CRBN: variants seen among roughly 807,000 people sequenced by gnomAD.
The protein encoded by CRBN is protein cereblon.
A neutral mutation model predicts 62.2 loss-of-function variants in CRBN; 53 were observed. The ratio of observed to expected loss-of-function variants is 0.85; its 90% CI spans 0.68 to 1.07. CRBN has a LOEUF of 1.07. Ranked by LOEUF, CRBN falls within the 50% of genes least tolerant of loss-of-function variation. The pLI is 0.00. For missense variants in CRBN, 616 were observed against 531.1 expected (o/e 1.16, Z -1.57); for synonymous variants, 208 against 176.1 (o/e 1.18, Z -1.43).
intron 8 of CRBN, 76 bp from the exon 9 acceptor site, chr3:3,153,564 A>G: frequency 7.1e-6 from 6 of 841,748 alleles, no homozygotes; most frequent in Non-Finnish European, 1.3e-5. Context: ...TAGATCATCA[A>G]GAAACTTACT....
At chr3:3,179,698 C>T (rs772893714), upstream of CRBN, 1 of 1,612,696 alleles carries the variant, frequency 6.2e-7, no homozygotes, top group Non-Finnish European at 8.5e-7. Context: ...GTCTGTTTAC[C>T]CGCAAAGGAG....
chr3:3,166,730 A>G (rs711618), intron 5 of CRBN, among the ~76,000 whole-genome samples: 146,138 of 152,158 alleles, frequency 0.96, 70,457 homozygotes, highest in East Asian at 1. Flanking sequence ...ACAAGTTTTC[A>G]CTGAAAACTG....
intron 4 of CRBN, among the ~76,000 whole-genome samples, chr3:3,168,559 T>C (rs1230098416): frequency 6.6e-6 from 1 of 152,162 alleles, no homozygotes; most frequent in Non-Finnish European, 1.5e-5. Context: ...ATGTAGAATA[T>C]GTAACTATAT....
chr3:3,167,454 G>T, intron 5 of CRBN, 180 bp downstream of exon 5: 1 of 594,324 alleles, frequency 1.7e-6, no homozygotes, highest in South Asian at 2.0e-5. Context: ...TATTGCTTTT[G>T]TAAACTGCTT....
Position 3,150,071 on chromosome 3 carries a change from A to ATAAT in CRBN, c.*790_*793dup, listed in dbSNP as rs1706397158. 6.6e-6 allele frequency: 1 copy of ATAAT among 152,326 alleles called. No homozygotes were observed. The highest frequency in any genetic ancestry group is 1.5e-5 in the Non-Finnish European group (1 of 68,022). 9.4% of individuals were successfully genotyped at this position (152,326 alleles called of 1,614,324 possible). A position where few individuals can be genotyped will look rare whatever the true frequency, so the allele number is the denominator to read the frequency against. The stretch of plus-strand genomic sequence containing the variant: ...TTTTCTTCAATTTACATTGAACAAA[A>ATAAT]TAATACAGTATCAAGTTTAGTCTGG... On this transcript the variant is annotated 3_prime_UTR_variant, in exon 11 of 11. Transcript: ENST00000231948.
At chr3:3,174,602 C>T (rs1185352948) in intron 2 of CRBN, among the ~76,000 whole-genome samples, 1 of 152,078 alleles carries the variant, frequency 6.6e-6, no homozygotes, top group Non-Finnish European at 1.5e-5. Flanking sequence ...GATTGTGCCA[C>T]TGCACTCACT....
chr3:3,160,246 G>A (rs1350188870), intron 5 of CRBN, among the ~76,000 whole-genome samples: 1 of 152,194 alleles, frequency 6.6e-6, no homozygotes, highest in Non-Finnish European at 1.5e-5. Flanking sequence ...AATGGAAAGA[G>A]TAATGTGAAA....
chr3:3,150,260 A>G lies in CRBN; in HGVS notation c.*605T>C, dbSNP rs946742138. ...TACTAACAGGCACATAAAGGAAATG[A>G]CAACTATTCGTGGGCTCAAAAAACT... On this transcript the variant is annotated 3_prime_UTR_variant, in exon 11 of 11. Transcript: ENST00000231948. 1.3e-5 allele frequency: 2 copies of G among 152,628 alleles called. No individual in the cohort carries two copies. The highest frequency in any genetic ancestry group is 4.8e-5 in the African/African-American group (2 of 41,378). 9.5% of individuals were successfully genotyped at this position (152,628 alleles called of 1,614,324 possible). A position where few individuals can be genotyped will look rare whatever the true frequency, so the allele number is the denominator to read the frequency against.
Position 3,151,049 on chromosome 3 carries a change from A to G in CRBN, c.1149-4T>C. 6.2e-7 allele frequency: 1 copy of G among 1,613,808 alleles called. No homozygotes were observed. ...CTGGGCAACAGTCCAGGCATACCTA[A>G]GAAATTAAGGAAAGATATCAGCTAA... is the stretch of plus-strand genomic sequence containing the variant. On this transcript the variant is annotated splice_polypyrimidine_tract_variant and splice_region_variant and intron_variant, in intron 10 of 10. Coordinates refer to ENST00000231948, the MANE Select transcript of CRBN (RefSeq NM_016302.4).
At chr3:3,172,503 C>A (rs1216907015) in intron 4 of CRBN, 6 of 456,768 alleles carry the variant, frequency 1.3e-5, no homozygotes, top group Non-Finnish European at 2.4e-5. Flanking sequence ...ACATTAGAAT[C>A]ACCTGAAAAT....
intron 7 of CRBN, chr3:3,154,318 C>A (rs1485590158): frequency 1.9e-6 from 1 of 516,918 alleles, no homozygotes; most frequent in African/African-American, 1.9e-5. Flanking sequence ...AACTCAAATC[C>A]ATGTTAGAAG....
intron 2 of CRBN, 123 bp downstream of exon 2, chr3:3,175,040 C>CA: frequency 1.4e-6 from 1 of 695,800 alleles, no homozygotes; most frequent in Non-Finnish European, 2.5e-6. Flanking sequence ...TGGCAAATAG[C>CA]CCATGTCCTC....
intron 5 of CRBN, among the ~76,000 whole-genome samples, chr3:3,157,769 T>A (rs986989145): frequency 2.0e-5 from 3 of 152,176 alleles, no homozygotes; most frequent in Non-Finnish European, 4.4e-5. Flanking sequence ...TATGTTAGTT[T>A]GGTGCAAAAG....
rs113488394 is a variant in CRBN at position 3,156,728 on chromosome 3, T to C, written c.688-447A>G. On this transcript the variant is annotated intron_variant, in intron 5 of 10. Coordinates refer to ENST00000231948, the MANE Select transcript of CRBN (RefSeq NM_016302.4). ...TATAAGGGCAAACATTAAGAAGTGATAGAATCCCAAGAAAGATAAAATGTT... is the reference window on the plus strand; with the variant it reads ...TATAAGGGCAAACATTAAGAAGTGACAGAATCCCAAGAAAGATAAAATGTT... 292 of 161,342 alleles carry C rather than the reference T, an allele frequency of 1.8e-3. 3 individuals carry two copies. The highest frequency in any genetic ancestry group is 5.2e-3 in the African/African-American group (216 of 41,612). The allele number at this position is 161,342 out of a possible 1,614,324, so 10.0% of individuals were successfully genotyped here.
rs1706789491 is a variant in CRBN at position 3,154,432 on chromosome 3, A to C, written c.835+315T>G. 2.8e-5 allele frequency: 13 copies of C among 459,738 alleles called. No homozygotes were observed. The South Asian group carries it at 3.0e-4, about 11-fold the overall frequency. 28.5% of individuals were successfully genotyped at this position (459,738 alleles called of 1,614,324 possible). ...TCCTGGAACTAGACTCACTTCTTTTAAAGGCACCTTGAAGAACAGGGAAAG... is the reference window on the plus strand; with the variant it reads ...TCCTGGAACTAGACTCACTTCTTTTCAAGGCACCTTGAAGAACAGGGAAAG... On this transcript the variant is annotated intron_variant, in intron 7 of 10. Coordinates refer to ENST00000231948, the MANE Select transcript of CRBN (RefSeq NM_016302.4).
At chr3:3,149,961 A>G (rs538398870), downstream of CRBN, 1 of 152,194 alleles carries the variant, frequency 6.6e-6, no homozygotes, top group Non-Finnish European at 1.5e-5. Flanking sequence ...GCCTTTTTAG[A>G]ACTTTAAAAT....
chr3:3,175,459 G>T (rs1707795306), intron 1 of CRBN, among the ~76,000 whole-genome samples, 190 bp from the exon 2 acceptor site: 2 of 150,756 alleles, frequency 1.3e-5, no homozygotes, highest in South Asian at 4.2e-4. Flanking sequence ...TTTTTTTTAA[G>T]TCAACTGTGA....
At chr3:3,176,033 C>T (rs1043971019) in intron 1 of CRBN, among the ~76,000 whole-genome samples, 2 of 152,100 alleles carry the variant, frequency 1.3e-5, no homozygotes, top group African/African-American at 2.4e-5. Context: ...AAGTTCCTTT[C>T]CCCCCTCCTT....
At chr3:3,154,933 A>G (rs929736597) in intron 6 of CRBN, 102 bp from the exon 7 acceptor site, 19 of 739,186 alleles carry the variant, frequency 2.6e-5, no homozygotes, top group Admixed American at 1.2e-4. Context: ...CAATTTAATC[A>G]CTCAGTCCCA....
Sources: allele counts gnomAD v4.1 joint callset (sites outside exome capture counted in the v4.1 genomes callset), GRCh38; gene constraint gnomAD v4.1.1; transcripts MANE v1.5; gene names NCBI Gene and HGNC (gene_info 2026-07-23, HGNC 2026-07-21).